Variants in PACS2 observed in about 807,000 individuals in gnomAD.
PACS2 encodes phosphofurin acidic cluster sorting protein 2.
PACS2 carries 36 observed loss-of-function variants against 113.0 expected under a neutral mutation model. The observed-to-expected ratio is 0.32, with a 90% CI of 0.24 to 0.42. The LOEUF (loss-of-function observed/expected upper bound fraction) is 0.42. Among genes scored for constraint, PACS2 ranks in the 10% least tolerant of loss-of-function variants. PACS2 has a pLI of 1.00. For missense variants in PACS2, 1,015 were observed against 1,239.5 expected (o/e 0.82, Z 2.72); for synonymous variants, 589 against 536.1 (o/e 1.10, Z -1.36).
Position 105,315,731 on chromosome 14 carries a change from T to G in PACS2, c.119+694T>G, listed in dbSNP as rs1331286768. Reference sequence around the variant, plus strand: ...CCCTCCGGCCATAGCCCAGCCTTCCTTGGACTTGCAGCTTCCCTGAGTCTC... The same window carrying G: ...CCCTCCGGCCATAGCCCAGCCTTCCGTGGACTTGCAGCTTCCCTGAGTCTC... On this transcript the variant is annotated intron_variant, in intron 1 of 24. Coordinates refer to ENST00000447393, the MANE Select transcript of PACS2 (RefSeq NM_001100913.3). The surrounding 1 kb of genome is among the most constrained non-coding windows in gnomAD (Gnocchi z 4.4). 2.6e-5 allele frequency: 4 copies of G among 152,310 alleles called. No homozygotes were observed. The highest frequency in any genetic ancestry group is 5.9e-5 in the Non-Finnish European group (4 of 68,080). The allele number at this position is 152,310 out of a possible 1,614,324, so 9.4% of individuals were successfully genotyped here. A position where few individuals can be genotyped will look rare whatever the true frequency, so the allele number is the denominator to read the frequency against.
chr14:105,376,261 G>A lies in PACS2; in HGVS notation c.802-507G>A, dbSNP rs931080447. On this transcript the variant is annotated intron_variant, in intron 8 of 24. Coordinates refer to ENST00000447393, the MANE Select transcript of PACS2 (RefSeq NM_001100913.3). The surrounding 1 kb of genome is among the most constrained non-coding windows in gnomAD (Gnocchi z 4.7). ...AAGTGTGCCACGCTGGGTGGATGACGCCCTCCTCCCCCCGCCACCGAGAGC... is the reference window on the plus strand; with the variant it reads ...AAGTGTGCCACGCTGGGTGGATGACACCCTCCTCCCCCCGCCACCGAGAGC... Among the ~76,000 whole-genome samples, 1 of 139,876 alleles carries A rather than the reference G, an allele frequency of 7.1e-6. No individual in the cohort carries two copies. The highest frequency in any genetic ancestry group is 1.6e-5 in the Non-Finnish European group (1 of 62,984). The allele number at this position is 139,876 out of a possible 152,430, so 91.8% of individuals were successfully genotyped here.
At position 105,329,190 on chromosome 14, in the gene PACS2, G is replaced by A. The variant is rs587597323; in HGVS notation, c.119+14153G>A. On this transcript the variant is annotated intron_variant, in intron 1 of 24. Coordinates refer to ENST00000447393, the MANE Select transcript of PACS2 (RefSeq NM_001100913.3). The surrounding 1 kb of genome is among the most constrained non-coding windows in gnomAD (Gnocchi z 6.4). ...TCTGCAGAGGAGGCAGCTGTGGAGCGAGGGTGTGTACGGGAGCAGGATGGG... is the reference window on the plus strand; with the variant it reads ...TCTGCAGAGGAGGCAGCTGTGGAGCAAGGGTGTGTACGGGAGCAGGATGGG... Among the ~76,000 whole-genome samples the A allele has an allele frequency of 2.6e-5, 4 of 152,302 alleles. No homozygotes were observed. The East Asian group carries it at 5.8e-4, about 22-fold the overall frequency.
rs2058687245 is a variant in PACS2, at chr14:105,317,020, C to T, written c.119+1983C>T. Among the ~76,000 whole-genome samples the T allele has an allele frequency of 6.6e-6, 1 of 152,204 alleles. No homozygotes were observed. Among genetic ancestry groups the T allele is most frequent in the Non-Finnish European group, 1.5e-5 (1 of 68,036 alleles). ...GGGCCCCTCATAGGCGGGCTTGCCC[C>T]TAGCTTTGCTTTGTGCTTGTGCCGC... On this transcript the variant is annotated intron_variant, in intron 1 of 24. Coordinates refer to ENST00000447393, the MANE Select transcript of PACS2 (RefSeq NM_001100913.3). The surrounding 1 kb of genome is among the most constrained non-coding windows in gnomAD (Gnocchi z 4.2).
chr14:105,323,749 A>C lies in PACS2; in HGVS notation c.119+8712A>C, dbSNP rs2058984511. Among the ~76,000 whole-genome samples the C allele has an allele frequency of 6.6e-6, 1 of 152,128 alleles. No homozygotes were observed. The highest frequency in any genetic ancestry group is 1.5e-5 in the Non-Finnish European group (1 of 68,016). On this transcript the variant is annotated intron_variant, in intron 1 of 24. Transcript: ENST00000447393. The surrounding 1 kb of genome is among the most constrained non-coding windows in gnomAD (Gnocchi z 4.1). The stretch of plus-strand genomic sequence containing the variant: ...TTTCGGAGGTGGTCTGCAGTGATCC[A>C]GGGAAGATGGGCTGCTCTGAGGGAG...
In PACS2 at chr14:105,315,046, C is replaced by G; in HGVS notation, c.119+9C>G. ...CCCAGCTGCGTGCCCAGGTACGCGC[C>G]GCCCGCCGCGCTTTGTTCCCGCCGG... On this transcript the variant is annotated intron_variant, in intron 1 of 24. Transcript: ENST00000447393. The surrounding 1 kb of genome is among the most constrained non-coding windows in gnomAD (Gnocchi z 4.4). 1 of 1,169,986 alleles carries G rather than the reference C, an allele frequency of 8.5e-7. No individual in the cohort carries two copies. The highest frequency in any genetic ancestry group is 1.1e-6 in the Non-Finnish European group (1 of 938,978). 72.5% of individuals were successfully genotyped at this position (1,169,986 alleles called of 1,614,324 possible). A position where few individuals can be genotyped will look rare whatever the true frequency, so the allele number is the denominator to read the frequency against.
intron 3 of PACS2, among the ~76,000 whole-genome samples, chr14:105,352,793 TC>T (rs1399082111): frequency 6.2e-5 from 3 of 48,024 alleles, no homozygotes; most frequent in African/African-American, 2.4e-4. Flanking sequence ...CCATCACTGT[TC>T]CCTGGGGAGA....
In PACS2 at chr14:105,367,342, A is replaced by G. The variant is rs8010888; in HGVS notation, c.553A>G (p.Thr185Ala). The change falls in exon 5 of 25, where the codon ACC (threonine) becomes GCC (alanine). Residue 185 changes from threonine to alanine, a missense_variant. Physicochemically the swap from Thr to Ala is moderately conservative, Grantham distance 58. Transcript: ENST00000447393. The stretch of plus-strand genomic sequence containing the variant: ...CCAGCCCATTGACCACGAAGACAGC[A>G]CCATGCAGGCCGGCCCCAAGGCCAA... ...SSQPIDHEDS[T>A]MQAGPKAKST... 37,105 of 1,613,218 alleles carry G rather than the reference A, an allele frequency of 0.023. 6,778 individuals are homozygous for G. In the African/African-American group the frequency reaches 0.42, roughly 18 times the overall value.
At chr14:105,310,402 C>T (rs112926353), upstream of PACS2, among the ~76,000 whole-genome samples, 8 of 151,730 alleles carry the variant, frequency 5.3e-5, no homozygotes, top group Admixed American at 2.6e-4. Flanking sequence ...TGGTGGCAGG[C>T]GCCTGTAGTC....
chr14:105,375,799 G>T (rs1490884705), intron 8 of PACS2, among the ~76,000 whole-genome samples: 1 of 152,206 alleles, frequency 6.6e-6, no homozygotes, highest in African/African-American at 2.4e-5. Flanking sequence ...ACACACACAT[G>T]CATGGACCCA....
intron 7 of PACS2, among the ~76,000 whole-genome samples, chr14:105,369,567 C>T (rs933637172): frequency 1.3e-5 from 2 of 152,150 alleles, no homozygotes; most frequent in Non-Finnish European, 2.9e-5. Context: ...GGAAGGGCCC[C>T]GTGAGCCTGG....
In PACS2 at chr14:105,365,662, TCCGGGA is replaced by T. The variant is rs1469248643; in HGVS notation, c.424-1548_424-1543del. On this transcript the variant is annotated intron_variant, in intron 4 of 24. Coordinates refer to ENST00000447393, the MANE Select transcript of PACS2 (RefSeq NM_001100913.3). The surrounding 1 kb of genome is among the most constrained non-coding windows in gnomAD (Gnocchi z 5.1). ...ACCACCTGAGCCCCACCTTGATTCC[TCCGGGA>T]CCCCAGCCCGGCAGCCCCCTCCCCT... Among the ~76,000 whole-genome samples the T allele has an allele frequency of 1.3e-5, 2 of 152,264 alleles. No individual in the cohort carries two copies. Among genetic ancestry groups the T allele is most frequent in the African/African-American group, 4.8e-5 (2 of 41,544 alleles).
rs59358674 is a variant in PACS2, at chr14:105,366,174, A to ACT, written c.424-1038_424-1037dup. 0.13 allele frequency among the ~76,000 whole-genome samples: 20,178 copies of ACT among 151,838 alleles called. 4,517 individuals carry two copies. The highest frequency in any genetic ancestry group is 0.46 in the African/African-American group (19,081 of 41,274). ...AGACCATCCTGGCCAACATGGTGAA[A>ACT]CTGTTTCTACTAAAAATACAAAACT... On this transcript the variant is annotated intron_variant, in intron 4 of 24. Coordinates refer to ENST00000447393, the MANE Select transcript of PACS2 (RefSeq NM_001100913.3). The surrounding 1 kb of genome is among the most constrained non-coding windows in gnomAD (Gnocchi z 4.3).
At chr14:105,308,756 C>G (rs2058264275) in intron 1 of PACS2, among the ~76,000 whole-genome samples, 1 of 152,022 alleles carries the variant, frequency 6.6e-6, no homozygotes, top group Non-Finnish European at 1.5e-5. Context: ...GCTGGGATTA[C>G]AGGCATGAGC....
intron 1 of PACS2, among the ~76,000 whole-genome samples, chr14:105,327,217 C>A (rs587717881): frequency 6.6e-6 from 1 of 152,156 alleles, no homozygotes; most frequent in Non-Finnish European, 1.5e-5. Context: ...CCACACAGAG[C>A]GAGCCTCAGA....
At position 105,393,211 on chromosome 14, in the gene PACS2, TCTC is replaced by T. The variant is rs2081421613; in HGVS notation, c.2483-6_2483-4del. 1 of 1,603,882 alleles carries T rather than the reference TCTC, an allele frequency of 6.2e-7. No individual in the cohort carries two copies. Among genetic ancestry groups the T allele is most frequent in the African/African-American group, 1.3e-5 (1 of 74,832 alleles). On this transcript the variant is annotated splice_polypyrimidine_tract_variant and splice_region_variant and intron_variant, in intron 23 of 24. Transcript: ENST00000447393. ...AGCAAGATGACAGCAGGGCCTCTTTTCTCCTCCCAGTGATGTTTCTGCCCAAGA... is the reference window on the plus strand; with the variant it reads ...AGCAAGATGACAGCAGGGCCTCTTTTCTCCCAGTGATGTTTCTGCCCAAGA...
chr14:105,314,300 C>A (rs1283630020), upstream of PACS2: 1 of 140,448 alleles, frequency 7.1e-6, no homozygotes, highest in East Asian at 2.1e-4. Context: ...CGGGGCATGG[C>A]GGGGTGGAGG....
chr14:105,375,467 G>C (rs1175148723), intron 8 of PACS2, among the ~76,000 whole-genome samples: 21 of 140,744 alleles, frequency 1.5e-4, no homozygotes, highest in African/African-American at 5.6e-4. Context: ...AACAGACAGT[G>C]CGAGACTCCA....
chr14:105,376,784 A>G lies in PACS2; in HGVS notation c.818A>G (p.Gln273Arg). 1 of 1,612,930 alleles carries G rather than the reference A, an allele frequency of 6.2e-7. No individual in the cohort carries two copies. Among genetic ancestry groups the G allele is most frequent in the South Asian group, 1.1e-5 (1 of 91,080 alleles). Residue 273 changes from glutamine to arginine, a missense_variant, in exon 9 of 25, where the codon CAG becomes CGG. Physicochemically the swap from Gln to Arg is conservative, Grantham distance 43. Around this residue, in one of 3 missense-constraint regions of PACS2, gnomAD observed 859 missense variants for 1,056.8 expected, o/e 0.81. Coordinates refer to ENST00000447393, the MANE Select transcript of PACS2 (RefSeq NM_001100913.3). This position sits in a 1 kb window ranked among gnomAD's most constrained non-coding sequence, Gnocchi z 4.7. ...CCCGTGCAGGTCCTGGACTCGGAGC[A>G]GGACCCTGCGGAGCACATCCCCGAG... ...KVSDEVLDSEQDPAEHIPEAE... is the reference protein window; with the variant it reads ...KVSDEVLDSERDPAEHIPEAE...
intron 17 of PACS2, 119 bp downstream of exon 17, chr14:105,384,582 A>G (rs999962966): frequency 1.7e-5 from 11 of 665,434 alleles, no homozygotes; most frequent in South Asian, 7.3e-5. Flanking sequence ...GGAAGAGGCC[A>G]TGGACAGGGC....
Sources: gnomAD v4.1 joint callset for allele counts (sites outside exome capture counted in the v4.1 genomes callset) on GRCh38, gnomAD v4.1.1 for gene constraint, gnomAD v4.1.1 regional missense constraint, Gnocchi (gnomAD v3.1) non-coding constraint, MANE v1.5 for transcripts, NCBI Gene and HGNC (gene_info 2026-07-23, HGNC 2026-07-21) for gene names.